The following CPQ variants were observed in gnomAD, a reference collection of about 807,000 sequenced individuals.
CPQ encodes the protein carboxypeptidase Q, also known as Ser-Met dipeptidase.
A neutral mutation model predicts 45.7 loss-of-function variants in CPQ; 37 were observed. The ratio of observed to expected loss-of-function variants is 0.81; its 90% CI spans 0.62 to 1.07. The LOEUF is 1.07. Among genes scored for constraint, CPQ ranks in the 50% least tolerant of loss-of-function variants. CPQ has a pLI of 0.00. For synonymous variants in CPQ, 186 were observed against 205.8 expected (o/e 0.90, Z 0.82); for missense variants, 537 against 572.9 (o/e 0.94, Z 0.64).
intron 4 of CPQ, among the ~76,000 whole-genome samples, chr8:96,937,476 A>G (rs771592477): frequency 3.3e-5 from 5 of 152,166 alleles, no homozygotes; most frequent in Non-Finnish European, 7.3e-5. Flanking sequence ...CCTTGAGTTC[A>G]TAATCAAGAA....
intron 3 of CPQ, among the ~76,000 whole-genome samples, chr8:96,869,612 A>G (rs1812040203): frequency 1.3e-5 from 2 of 152,064 alleles, no homozygotes. Context: ...TTCCATTGGC[A>G]AGGACCTATC....
intron 1 of CPQ, among the ~76,000 whole-genome samples, chr8:96,716,817 G>A (rs149766411): frequency 0.013 from 1,930 of 151,710 alleles, 20 homozygotes; most frequent in Middle Eastern, 0.078. Context: ...TGAGGGAAAA[G>A]AATTGCTTGA....
At chr8:96,680,598 T>A (rs1212887951) in intron 1 of CPQ, 1 of 152,278 alleles carries the variant, frequency 6.6e-6, no homozygotes, top group East Asian at 1.9e-4. Context: ...CTTGGGTATA[T>A]CCTTATCAGC....
chr8:97,095,061 C>T (rs2513359), intron 7 of CPQ, among the ~76,000 whole-genome samples: 82,674 of 151,850 alleles, frequency 0.54, 23,391 homozygotes, highest in Non-Finnish European at 0.63. Context: ...ATTCCTTTTT[C>T]GCTTCCCTTC....
chr8:96,647,991 C>T (rs905599105), intron 1 of CPQ, among the ~76,000 whole-genome samples: 6 of 152,164 alleles, frequency 3.9e-5, no homozygotes, highest in African/African-American at 1.4e-4. Flanking sequence ...CTTTATAAGA[C>T]CAACAACCCC....
intron 1 of CPQ, among the ~76,000 whole-genome samples, chr8:96,655,767 T>G (rs1175880528): frequency 6.6e-6 from 1 of 152,212 alleles, no homozygotes; most frequent in Non-Finnish European, 1.5e-5. Flanking sequence ...TGACTTACAA[T>G]GGGGTTATAT....
intron 1 of CPQ, among the ~76,000 whole-genome samples, chr8:96,726,692 C>T (rs1328956674): frequency 6.6e-6 from 1 of 152,156 alleles, no homozygotes; most frequent in Non-Finnish European, 1.5e-5. Context: ...CACCAGGCCC[C>T]ACCTCCAACA....
At chr8:96,896,255 A>G (rs1192593088) in intron 4 of CPQ, among the ~76,000 whole-genome samples, 1 of 152,094 alleles carries the variant, frequency 6.6e-6, no homozygotes, top group Non-Finnish European at 1.5e-5. Flanking sequence ...ATGGCTCTAT[A>G]TTACTATGCC....
At chr8:97,139,380 T>C (rs1260493434) in intron 7 of CPQ, among the ~76,000 whole-genome samples, 1 of 152,002 alleles carries the variant, frequency 6.6e-6, no homozygotes, top group Non-Finnish European at 1.5e-5. Context: ...CAGTAAGGAG[T>C]TAAAAGGTTT....
chr8:97,074,462 T>C (rs974050373), intron 7 of CPQ, among the ~76,000 whole-genome samples: 1 of 151,758 alleles, frequency 6.6e-6, no homozygotes, highest in Non-Finnish European at 1.5e-5. Flanking sequence ...AGCTGGACAT[T>C]GAAAGATATG....
intron 7 of CPQ, among the ~76,000 whole-genome samples, chr8:97,080,852 C>T (rs1009640576): frequency 1.1e-4 from 16 of 152,064 alleles, no homozygotes; most frequent in Middle Eastern, 3.2e-3. Context: ...CTGAGTGATC[C>T]GTTGCCTATC....
At chr8:96,846,513 C>G (rs1375300307) in intron 3 of CPQ, among the ~76,000 whole-genome samples, 1 of 152,144 alleles carries the variant, frequency 6.6e-6, no homozygotes, top group African/African-American at 2.4e-5. Flanking sequence ...AATTTATCCA[C>G]TTTTAGTTGC....
intron 4 of CPQ, among the ~76,000 whole-genome samples, chr8:96,952,983 A>G (rs971089506): frequency 2.0e-5 from 3 of 152,086 alleles, no homozygotes; most frequent in African/African-American, 7.2e-5. Flanking sequence ...CATAGCTCCA[A>G]TTCAGGAAGG....
At chr8:96,779,449 T>C (rs1481880521) in intron 1 of CPQ, among the ~76,000 whole-genome samples, 1 of 152,180 alleles carries the variant, frequency 6.6e-6, no homozygotes, top group Non-Finnish European at 1.5e-5. Context: ...AAACACAATT[T>C]ATAATCCTCC....
intron 1 of CPQ, among the ~76,000 whole-genome samples, chr8:96,743,549 A>G (rs1420921811): frequency 5.1e-4 from 78 of 151,862 alleles, no homozygotes; most frequent in Non-Finnish European, 8.4e-4. Flanking sequence ...GAGGAGAGGC[A>G]CTCTGCTTTT....
At chr8:96,845,730 T>C (rs1322404791) in intron 3 of CPQ, among the ~76,000 whole-genome samples, 1 of 152,186 alleles carries the variant, frequency 6.6e-6, no homozygotes, top group Non-Finnish European at 1.5e-5. Context: ...AAATGACTCA[T>C]TTACTCTTCT....
chr8:96,670,318 T>TA lies in CPQ; in HGVS notation c.-35+24916_-35+24917insA, dbSNP rs1209672735. Reference sequence around the variant, plus strand: ...GTGTATGGAGTGACTCAATTTTTTTTTTTTTTTTTTTTTTTTTTTGGCTGT... The same window carrying TA: ...GTGTATGGAGTGACTCAATTTTTTTTATTTTTTTTTTTTTTTTTTTGGCTGT... On this transcript the variant is annotated intron_variant, in intron 1 of 7. Coordinates refer to ENST00000220763, the MANE Select transcript of CPQ (RefSeq NM_016134.4). 1.1e-3 allele frequency among the ~76,000 whole-genome samples: 152 copies of TA among 143,454 alleles called. 1 individual carries two copies. The highest frequency in any genetic ancestry group is 3.8e-3 in the Middle Eastern group (1 of 266). 94.1% of individuals were successfully genotyped at this position (143,454 alleles called of 152,430 possible).
intron 4 of CPQ, among the ~76,000 whole-genome samples, chr8:96,941,117 G>A (rs1280697651): frequency 6.6e-6 from 1 of 152,118 alleles, no homozygotes; most frequent in Non-Finnish European, 1.5e-5. Flanking sequence ...CTCTCCCTTA[G>A]AAGCATATCT....
intron 6 of CPQ, among the ~76,000 whole-genome samples, chr8:97,033,238 T>C (rs896590845): frequency 6.6e-6 from 1 of 152,228 alleles, no homozygotes; most frequent in Non-Finnish European, 1.5e-5. Flanking sequence ...AACATTTTTA[T>C]GATACAGTTA....
Sources: allele counts gnomAD v4.1 joint callset (sites outside exome capture counted in the v4.1 genomes callset), GRCh38; gene constraint gnomAD v4.1.1; transcripts MANE v1.5; gene names NCBI Gene and HGNC (gene_info 2026-07-23, HGNC 2026-07-21).